The following SACS variants were observed in gnomAD, a reference collection of about 807,000 sequenced individuals.
SACS encodes the protein sacsin molecular chaperone.
SACS carries 197 observed loss-of-function variants against 348.0 expected under a neutral mutation model. The observed-to-expected ratio is 0.57, with a 90% confidence interval of 0.50 to 0.64. SACS has a LOEUF of 0.64. SACS is among the 30% of genes least tolerant of loss of function. The pLI is 0.00. For synonymous variants in SACS, 1,985 were observed against 1,910.6 expected (o/e 1.04, Z -1.02); for missense variants, 4,999 against 5,360.8 (o/e 0.93, Z 2.11).
In SACS at chr13:23,332,505, A is replaced by T. The variant is rs758108702; in HGVS notation, c.11371T>A (p.Leu3791Met). The change falls in exon 10 of 10, where the codon TTG becomes ATG. Residue 3791 changes from leucine to methionine, a missense_variant. By Grantham distance (15) the Leu-to-Met change is conservative. Transcript: ENST00000382292. ...SAEKREFRFQ[L>M]RGVAFVMVED... ...ACCATCACAAAAGCAACCCCTCGCA[A>T]CTGAAAACGAAATTCCCTTTTTTCT... The T allele has an allele frequency of 1.1e-5, 17 of 1,614,020 alleles. No homozygotes were observed. In the South Asian group the frequency reaches 1.5e-4, roughly 15 times the overall value.
In SACS at chr13:23,341,116, A is replaced by T; in HGVS notation, c.2760T>A (p.Ile920=). 6.2e-7 allele frequency: 1 copy of T among 1,613,598 alleles called. No homozygotes were observed. The highest frequency in any genetic ancestry group is 8.5e-7 in the Non-Finnish European group (1 of 1,179,982). The change falls in exon 10 of 10, where the codon ATT becomes ATA. Residue 920 remains isoleucine, a synonymous_variant. Transcript: ENST00000382292. ...LTDSSEKEKR[I]IQELAIFKRI... is the part of the protein sequence containing the mutation. ...GCTTGAATATTGCCAATTCTTGAAT[A>T]ATTCTTTTCTCTTTCTCACTGCTAT...
chr13:23,412,125 G>A (rs1463878486), intron 1 of SACS, among the ~76,000 whole-genome samples: 3 of 152,122 alleles, frequency 2.0e-5, no homozygotes, highest in Non-Finnish European at 4.4e-5. Flanking sequence ...CGGGCGTGGT[G>A]GCGGGCGCCT....
chr13:23,363,579 T>C (rs1454615412), intron 6 of SACS, among the ~76,000 whole-genome samples: 1 of 152,212 alleles, frequency 6.6e-6, no homozygotes, highest in Admixed American at 6.5e-5. Context: ...AATATACCTA[T>C]GCATAAACTC....
In SACS at chr13:23,329,665, G is replaced by A. The variant is rs11843731; in HGVS notation, c.*471C>T. On this transcript the variant is annotated 3_prime_UTR_variant, in exon 10 of 10. Coordinates refer to ENST00000382292, the MANE Select transcript of SACS (RefSeq NM_014363.6). ...AAATTCATGATCAGAGCCAGCTGAT[G>A]AGAAAATAACGCATCCAAGAGGATC... The A allele has an allele frequency of 1.0e-2, 5,249 of 525,468 alleles. 227 individuals are homozygous for A. Among genetic ancestry groups the A allele is most frequent in the African/African-American group, 0.091 (4,618 of 50,690 alleles). 32.6% of individuals were successfully genotyped at this position (525,468 alleles called of 1,614,324 possible).
intron 2 of SACS, among the ~76,000 whole-genome samples, chr13:23,375,767 T>TCCGCCTGCCAGGCCCCGCC (rs1555256796): frequency 2.9e-4 from 42 of 143,840 alleles, no homozygotes; most frequent in Admixed American, 4.1e-4. Context: ...CCCACCAGGC[T>TCCGCCTGCCAGGCCCCGCC]CCGCCTGCCA....
At chr13:23,393,948 G>A (rs1482641475) in intron 2 of SACS, among the ~76,000 whole-genome samples, 2 of 152,130 alleles carry the variant, frequency 1.3e-5, no homozygotes, top group Non-Finnish European at 2.9e-5. Context: ...TTTTAGTAGA[G>A]ATGAGGTTTC....
intron 1 of SACS, among the ~76,000 whole-genome samples, chr13:23,426,127 T>TA (rs1874163286): frequency 6.6e-6 from 1 of 152,184 alleles, no homozygotes; most frequent in East Asian, 1.9e-4. Flanking sequence ...TCCCAGCTCT[T>TA]ACTTATTCCC....
intron 2 of SACS, among the ~76,000 whole-genome samples, chr13:23,404,495 C>T (rs887623942): frequency 6.6e-6 from 1 of 152,146 alleles, no homozygotes; most frequent in Non-Finnish European, 1.5e-5. Flanking sequence ...TGGAAGCATT[C>T]CCTTTGAAAA....
At chr13:23,392,620 T>C (rs1179764163) in intron 2 of SACS, among the ~76,000 whole-genome samples, 2 of 152,142 alleles carry the variant, frequency 1.3e-5, no homozygotes, top group African/African-American at 4.8e-5. Context: ...CCTCATGATA[T>C]GAAAAAAGTA....
chr13:23,406,478 T>C (rs756206695), intron 2 of SACS, among the ~76,000 whole-genome samples: 3 of 152,116 alleles, frequency 2.0e-5, no homozygotes, highest in Admixed American at 2.0e-4. Context: ...TGTATACTTA[T>C]GTAACAAACC....
Position 23,404,294 on chromosome 13 carries a change from T to C in SACS, c.20+6926A>G, listed in dbSNP as rs113575842. Among the ~76,000 whole-genome samples, 1,334 of 152,150 alleles carry C rather than the reference T, an allele frequency of 8.8e-3. 17 individuals are homozygous for C. The highest frequency in any genetic ancestry group is 0.03 in the African/African-American group (1,265 of 41,502). Reference sequence around the variant, plus strand: ...TACGCAAATCAATAAACGTAATCCATCACATAAAAAGAACCAATGACAAAA... The same window carrying C: ...TACGCAAATCAATAAACGTAATCCACCACATAAAAAGAACCAATGACAAAA... On this transcript the variant is annotated intron_variant, in intron 2 of 9. Transcript: ENST00000382292.
At position 23,335,212 on chromosome 13, in the gene SACS, T is replaced by C. The variant is rs753038968; in HGVS notation, c.8664A>G (p.Ala2888=). ...GLPFHVNGHF[A]LDSARRNLWR... ...ACAGGTTCCTTCTGGCTGAATCCAG[T>C]GCAAAGTGGCCATTCACATGAAATG... The change falls in exon 10 of 10, where the codon GCA becomes GCG. Residue 2888 remains alanine (A), a synonymous_variant. Coordinates refer to ENST00000382292, the MANE Select transcript of SACS (RefSeq NM_014363.6). This position sits in a 1 kb window ranked among gnomAD's most constrained non-coding sequence, Gnocchi z 4.7. 6.2e-7 allele frequency: 1 copy of C among 1,613,918 alleles called. No homozygotes were observed. The highest frequency in any genetic ancestry group is 1.7e-5 in the Admixed American group (1 of 59,970).
At chr13:23,391,415 T>A (rs1445384701) in intron 2 of SACS, among the ~76,000 whole-genome samples, 1 of 152,100 alleles carries the variant, frequency 6.6e-6, no homozygotes, top group African/African-American at 2.4e-5. Context: ...TGGTTGCAGG[T>A]GGAGTTGGCC....
At chr13:23,432,175 T>C (rs1874457380) in intron 1 of SACS, among the ~76,000 whole-genome samples, 3 of 152,198 alleles carry the variant, frequency 2.0e-5, no homozygotes, top group African/African-American at 7.2e-5. Context: ...CGTAAAGCAA[T>C]GGTTTTGAGA....
chr13:23,420,363 G>A (rs1873879146), intron 1 of SACS, among the ~76,000 whole-genome samples: 1 of 152,076 alleles, frequency 6.6e-6, no homozygotes, highest in South Asian at 2.1e-4. Context: ...AGTCTACCTA[G>A]AATCCAGTGT....
At position 23,330,156 on chromosome 13, in the gene SACS, A is replaced by C. The variant is rs1342351924; in HGVS notation, c.13720T>G (p.Phe4574Val). Residue 4574 changes from phenylalanine (F) to valine (V), a missense_variant, in exon 10 of 10, where the codon TTT becomes GTT. Around this residue, in one of 6 missense-constraint regions of SACS, gnomAD observed 254 missense variants for 275.1 expected, o/e 0.92. Transcript: ENST00000382292. ...TACIIIKLEN[F>V]MQQKV ...TATCTTCACACTTTTTGTTGCATAAAATTTTCAAGTTTTATTATGATACAG... is the reference window on the plus strand; with the variant it reads ...TATCTTCACACTTTTTGTTGCATAACATTTTCAAGTTTTATTATGATACAG... 6.2e-7 allele frequency: 1 copy of C among 1,613,832 alleles called. No homozygotes were observed. Among genetic ancestry groups the C allele is most frequent in the Non-Finnish European group, 8.5e-7 (1 of 1,179,890 alleles).
chr13:23,425,718 C>G (rs1036518911), intron 1 of SACS, among the ~76,000 whole-genome samples: 1 of 152,076 alleles, frequency 6.6e-6, no homozygotes, highest in African/African-American at 2.4e-5. Context: ...TAAGTTGCCC[C>G]GACTGCTCTG....
chr13:23,370,977 G>A, intron 4 of SACS, 101 bp downstream of exon 4: 1 of 686,396 alleles, frequency 1.5e-6, no homozygotes, highest in Non-Finnish European at 2.5e-6. Context: ...GGGCGATAGG[G>A]CGAGACTCAG....
At position 23,335,609 on chromosome 13, in the gene SACS, G is replaced by A. The variant is rs752630697; in HGVS notation, c.8267C>T (p.Thr2756Ile). 1 of 1,613,796 alleles carries A rather than the reference G, an allele frequency of 6.2e-7. No individual in the cohort carries two copies. Among genetic ancestry groups the A allele is most frequent in the South Asian group, 1.1e-5 (1 of 91,066 alleles). Residue 2756 changes from threonine (T) to isoleucine (I), a missense_variant, in exon 10 of 10, where the codon ACT becomes ATT. Thr to Ile is a moderately conservative substitution (Grantham distance 89, BLOSUM62 -1). Around this residue, in one of 6 missense-constraint regions of SACS, gnomAD observed 3,156 missense variants for 3,380.1 expected, o/e 0.93. Coordinates refer to ENST00000382292, the MANE Select transcript of SACS (RefSeq NM_014363.6). The surrounding 1 kb of genome is among the most constrained non-coding windows in gnomAD (Gnocchi z 4.7). Reference protein sequence around the residue: ...KISICEIDKSTGALNVLYSVK... With the variant: ...KISICEIDKSIGALNVLYSVK... ...TGAATACAGCACATTTAGAGCTCCA[G>A]TACTCTTATCTATTTCACAAATAGA...
Sources: allele counts gnomAD v4.1 joint callset (sites outside exome capture counted in the v4.1 genomes callset), GRCh38; gene constraint gnomAD v4.1.1; regional missense constraint gnomAD v4.1.1; non-coding constraint Gnocchi (gnomAD v3.1); transcripts MANE v1.5; gene names NCBI Gene and HGNC (gene_info 2026-07-23, HGNC 2026-07-21).